Variants in SULT1C3 observed in about 807,000 individuals in gnomAD.
SULT1C3 encodes sulfotransferase family 1C member 3.
Under a neutral mutation model 28.4 loss-of-function variants are expected in SULT1C3, and 31 were observed. The ratio of observed to expected loss-of-function variants is 1.09; its 90% CI spans 0.82 to 1.47. The LOEUF (loss-of-function observed/expected upper bound fraction) is 1.47, where lower values mean the gene tolerates loss of function less well. SULT1C3 is among the 40% of genes most tolerant of loss of function. The pLI, the probability that SULT1C3 is intolerant of heterozygous loss-of-function variation, is 0.00. For synonymous variants in SULT1C3, 106 were observed against 92.2 expected, an observed-to-expected ratio of 1.15 and a Z score of -0.86; for missense variants, 307 against 272.5, an observed-to-expected ratio of 1.13 and a Z score of -0.89.
intron 2 of SULT1C3, among the ~76,000 whole-genome samples, chr2:108,250,353 G>A (rs1675699039): frequency 6.6e-6 from 1 of 152,022 alleles, no homozygotes; most frequent in Non-Finnish European, 1.5e-5. Flanking sequence ...ATGTAAATTA[G>A]TACTATAATG....
At chr2:108,252,536 A>T (rs1422902467) in intron 3 of SULT1C3, 43 bp downstream of exon 3, 1 of 1,607,220 alleles carries the variant, frequency 6.2e-7, no homozygotes, top group Non-Finnish European at 8.5e-7. Flanking sequence ...TCACTTCAGG[A>T]TTCCAGAGCA....
At chr2:108,263,414 A>G (rs1431491862), downstream of SULT1C3, among the ~76,000 whole-genome samples, 1 of 152,156 alleles carries the variant, frequency 6.6e-6, no homozygotes, top group Non-Finnish European at 1.5e-5. Flanking sequence ...GCATTAATGC[A>G]ACCTGCCTGC....
At chr2:108,255,848 G>C in intron 5 of SULT1C3, 150 bp downstream of exon 5, 1 of 996,742 alleles carries the variant, frequency 1.0e-6, no homozygotes, top group Non-Finnish European at 1.3e-6. Flanking sequence ...AGGTAGAAGA[G>C]GTATTTTTCC....
At chr2:108,245,217 T>G (rs769471696) in intron 1 of SULT1C3, among the ~76,000 whole-genome samples, 3 of 152,208 alleles carry the variant, frequency 2.0e-5, no homozygotes, top group Non-Finnish European at 4.4e-5. Context: ...AACTAAACTT[T>G]TGGGCCTTAG....
chr2:108,259,673 T>A (rs1223332164), intron 7 of SULT1C3, among the ~76,000 whole-genome samples: 1 of 152,084 alleles, frequency 6.6e-6, no homozygotes, highest in Admixed American at 6.6e-5. Context: ...TTCAGTTTTG[T>A]TCCACTAGAA....
Position 108,252,588 on chromosome 2 carries a change from T to C in SULT1C3, c.301+95T>C. 3 of 1,430,194 alleles carry C rather than the reference T, an allele frequency of 2.1e-6. No individual in the cohort carries two copies. The South Asian group carries it at 4.3e-5, about 21-fold the overall frequency. 88.6% of individuals were successfully genotyped at this position (1,430,194 alleles called of 1,614,324 possible). On this transcript the variant is annotated intron_variant, in intron 3 of 7. Transcript: ENST00000681802. Reference sequence around the variant, plus strand: ...ATAGAGCATCCGTGGTAGCCAGAAGTAGCCTGTATCTTTCATGAGGTCTAT... The same window carrying C: ...ATAGAGCATCCGTGGTAGCCAGAAGCAGCCTGTATCTTTCATGAGGTCTAT...
chr2:108,243,587 A>G (rs141616713), intron 1 of SULT1C3, among the ~76,000 whole-genome samples: 2,394 of 151,154 alleles, frequency 0.016, 22 homozygotes, highest in South Asian at 0.046. Context: ...GCTGAGATTG[A>G]GCCACTGCAC....
At chr2:108,243,488 G>A (rs191670166) in intron 1 of SULT1C3, among the ~76,000 whole-genome samples, 87 of 152,090 alleles carry the variant, frequency 5.7e-4, no homozygotes, top group African/African-American at 2.0e-3. Flanking sequence ...AAAATTAGCC[G>A]GGAGTGGTGG....
chr2:108,253,355 C>A lies in SULT1C3; in HGVS notation c.312C>A (p.Phe104Leu). The A allele has an allele frequency of 1.3e-6, 2 of 1,536,166 alleles. No individual in the cohort carries two copies. The highest frequency in any genetic ancestry group is 1.3e-5 in the South Asian group (1 of 76,066). ...FPHKEKPDLE[F>L]VLEMSSPQLI... The stretch of plus-strand genomic sequence containing the variant: ...ATTGTTTCTTGCTAGATTTGGAGTT[C>A]GTTCTTGAAATGTCCTCACCACAAC... Residue 104 changes from phenylalanine to leucine, a missense_variant, in exon 4 of 8, where the codon TTC becomes TTA. Coordinates refer to ENST00000681802, the MANE Select transcript of SULT1C3 (RefSeq NM_001320878.2).
chr2:108,252,277 C>T, intron 2 of SULT1C3, 88 bp from the exon 3 acceptor site: 1 of 1,310,906 alleles, frequency 7.6e-7, no homozygotes, highest in Non-Finnish European at 1.0e-6. Flanking sequence ...AAAGTGCTCT[C>T]ATGTTGCTGT....
chr2:108,247,236 G>T lies in SULT1C3; in HGVS notation c.42G>T (p.Lys14Asn), dbSNP rs1485512714. The T allele has an allele frequency of 1.9e-6, 3 of 1,570,398 alleles. No homozygotes were observed. The highest frequency in any genetic ancestry group is 2.6e-6 in the Non-Finnish European group (3 of 1,155,996). The change falls in exon 2 of 8, where the codon AAG becomes AAT. Residue 14 changes from lysine (K) to asparagine (N), a missense_variant. Lys to Asn is a moderately conservative substitution (Grantham distance 94, BLOSUM62 0). Transcript: ENST00000681802. ...AAAACGCTCCCACGATGGAAAAAAA[G>T]CCAGAACTGTTTAACATCATGGAAG... ...IEKNAPTMEK[K>N]PELFNIMEVD...
At chr2:108,241,987 C>G (rs2104380409) in intron 1 of SULT1C3, among the ~76,000 whole-genome samples, 2 of 151,308 alleles carry the variant, frequency 1.3e-5, no homozygotes, top group Admixed American at 1.3e-4. Flanking sequence ...AATTATATAC[C>G]AGGTGTGGAT....
intron 2 of SULT1C3, among the ~76,000 whole-genome samples, chr2:108,248,846 C>T (rs1470257120): frequency 6.6e-6 from 1 of 152,088 alleles, no homozygotes; most frequent in African/African-American, 2.4e-5. Flanking sequence ...ATCTAATCAG[C>T]TGATATTAAA....
At chr2:108,252,548 T>C in intron 3 of SULT1C3, 55 bp downstream of exon 3, 8 of 1,601,612 alleles carry the variant, frequency 5.0e-6, no homozygotes, top group Non-Finnish European at 6.8e-6. Flanking sequence ...TCCAGAGCAA[T>C]GTGTACTGTC....
intron 4 of SULT1C3, among the ~76,000 whole-genome samples, chr2:108,253,806 TCAGAAG>T (rs1675794920): frequency 6.6e-6 from 1 of 152,014 alleles, no homozygotes; most frequent in Non-Finnish European, 1.5e-5. Context: ...TCTCCTGGCC[TCAGAAG>T]CAGAGGTATA....
At chr2:108,240,704 G>T (rs1390554694) in intron 1 of SULT1C3, among the ~76,000 whole-genome samples, 1 of 152,142 alleles carries the variant, frequency 6.6e-6, no homozygotes, top group Non-Finnish European at 1.5e-5. Context: ...AATAAGCAGG[G>T]TTCGTCTAAA....
At chr2:108,246,150 G>C (rs1279323822) in intron 1 of SULT1C3, among the ~76,000 whole-genome samples, 1 of 152,040 alleles carries the variant, frequency 6.6e-6, no homozygotes, top group Non-Finnish European at 1.5e-5. Flanking sequence ...TATCATTATT[G>C]GCATTTTTGT....
At chr2:108,242,773 G>C (rs1478380634) in intron 1 of SULT1C3, among the ~76,000 whole-genome samples, 1 of 152,074 alleles carries the variant, frequency 6.6e-6, no homozygotes, top group Non-Finnish European at 1.5e-5. Context: ...CCCAAAACAG[G>C]GTCTGTGGCA....
chr2:108,260,984 T>G (rs1035485018), downstream of SULT1C3, among the ~76,000 whole-genome samples: 4 of 152,166 alleles, frequency 2.6e-5, no homozygotes, highest in Non-Finnish European at 5.9e-5. Flanking sequence ...AATTGCATCA[T>G]GGATTCCCAT....
Sources: allele counts gnomAD v4.1 joint callset (sites outside exome capture counted in the v4.1 genomes callset), GRCh38; gene constraint gnomAD v4.1.1; transcripts MANE v1.5; gene names NCBI Gene and HGNC (gene_info 2026-07-23, HGNC 2026-07-21).